CRY1: variants seen among roughly 807,000 people sequenced by gnomAD.
The protein encoded by CRY1 is cryptochrome-1.
CRY1 carries 45 observed loss-of-function variants against 76.0 expected under a neutral mutation model. The observed-to-expected ratio is 0.59, with a 90% CI of 0.47 to 0.76. The LOEUF (loss-of-function observed/expected upper bound fraction) is 0.76. CRY1 is among the 30% of genes least tolerant of loss of function. The probability of loss-of-function intolerance (pLI) is 0.00; values close to 1 mark genes in which losing one functional copy is unlikely to be tolerated. For synonymous variants in CRY1, 248 were observed against 244.0 expected (o/e 1.02, Z -0.15); for missense variants, 587 against 716.4 (o/e 0.82, Z 2.06).
At position 106,997,302 on chromosome 12, in the gene CRY1, C is replaced by T. The variant is rs1952243632; in HGVS notation, c.1577G>A (p.Ser526Asn). 1 of 1,613,806 alleles carries T rather than the reference C, an allele frequency of 6.2e-7. No homozygotes were observed. The change falls in exon 10 of 13, where the codon AGC (serine) becomes AAC (asparagine). Residue 526 changes from serine to asparagine, a missense_variant. Ser to Asn is a conservative substitution (Grantham distance 46). Transcript: ENST00000008527. ...ATTTCCTTTTCACTTACTTCCACTG[C>T]TGCTACAACCTGGGATATTTTCTGC... Reference protein sequence around the residue: ...YSAENIPGCSSSGSCSQGSGI... With the variant: ...YSAENIPGCSNSGSCSQGSGI...
chr12:107,000,212 T>A lies in CRY1; in HGVS notation c.685-130A>T. The A allele has an allele frequency of 3.4e-6, 3 of 890,746 alleles. No individual in the cohort carries two copies. The South Asian group carries it at 7.3e-5, about 22-fold the overall frequency. The allele number at this position is 890,746 out of a possible 1,614,324, so 55.2% of individuals were successfully genotyped here. On this transcript the variant is annotated intron_variant, in intron 5 of 12. Transcript: ENST00000008527. ...ATAAAATCTTATCCTAGCCACAAAT[T>A]ACATGTTTTAATAAAAAATAAGACA...
chr12:107,070,759 G>T (rs1953179021), intron 1 of CRY1, among the ~76,000 whole-genome samples: 1 of 151,054 alleles, frequency 6.6e-6, no homozygotes, highest in Admixed American at 6.6e-5. Flanking sequence ...GGAGTGTAGT[G>T]GCGCGACCTT....
rs1353697626 is a variant in CRY1 at position 107,092,980 on chromosome 12, T to TCGG, written c.-20_-19insCCG. ...CCCCCATGCCGGGGGGCGCGGCGGG[T>TCGG]CCTCCACGGAGAAATTCAAGGAAGG... On this transcript the variant is annotated 5_prime_UTR_variant, in exon 1 of 13. Coordinates refer to ENST00000008527, the MANE Select transcript of CRY1 (RefSeq NM_004075.5). The TCGG allele has an allele frequency of 1.3e-6, 2 of 1,514,864 alleles. No individual in the cohort carries two copies. Among genetic ancestry groups the TCGG allele is most frequent in the African/African-American group, 2.8e-5 (2 of 71,136 alleles). 93.8% of individuals were successfully genotyped at this position (1,514,864 alleles called of 1,614,324 possible). A position where few individuals can be genotyped will look rare whatever the true frequency, so the allele number is the denominator to read the frequency against.
At chr12:107,089,084 T>G (rs369438247) in intron 1 of CRY1, among the ~76,000 whole-genome samples, 1 of 152,244 alleles carries the variant, frequency 6.6e-6, no homozygotes, top group Non-Finnish European at 1.5e-5. Context: ...CTTCATTCCT[T>G]TTTATGGCCA....
intron 1 of CRY1, among the ~76,000 whole-genome samples, chr12:107,047,398 T>C (rs1253322025): frequency 6.6e-6 from 1 of 152,074 alleles, no homozygotes; most frequent in Non-Finnish European, 1.5e-5. Context: ...TTAAGAAGCT[T>C]ATAGCAATAA....
At chr12:107,010,307 A>G (rs1332296254) in intron 2 of CRY1, among the ~76,000 whole-genome samples, 1 of 152,144 alleles carries the variant, frequency 6.6e-6, no homozygotes, top group Non-Finnish European at 1.5e-5. Flanking sequence ...CAATTTTATT[A>G]ATGTTTTCAA....
chr12:106,992,362 A>C (rs1245719961), intron 12 of CRY1: 1 of 155,558 alleles, frequency 6.4e-6, no homozygotes, highest in African/African-American at 2.4e-5. Flanking sequence ...TTTTAGAAGC[A>C]TCATAACAGA....
intron 1 of CRY1, among the ~76,000 whole-genome samples, chr12:107,090,976 T>A (rs1193224871): frequency 1.3e-5 from 2 of 152,090 alleles, no homozygotes; most frequent in African/African-American, 4.8e-5. Flanking sequence ...TCTCAAACAG[T>A]AACTAAACTG....
At chr12:107,068,299 C>T (rs992685816) in intron 1 of CRY1, among the ~76,000 whole-genome samples, 4 of 151,960 alleles carry the variant, frequency 2.6e-5, no homozygotes, top group Non-Finnish European at 4.4e-5. Flanking sequence ...TAATACAAAA[C>T]TAATAATTTT....
intron 2 of CRY1, among the ~76,000 whole-genome samples, chr12:107,016,796 C>T (rs1952501921): frequency 6.6e-6 from 1 of 152,150 alleles, no homozygotes; most frequent in African/African-American, 2.4e-5. Context: ...AAACTTGTTC[C>T]TCCATAGTCT....
intron 2 of CRY1, among the ~76,000 whole-genome samples, chr12:107,009,563 C>CATATATATATATATATATATATAT (rs869185018): frequency 1.6e-4 from 15 of 90,942 alleles, no homozygotes; most frequent in Non-Finnish European, 2.5e-4. Context: ...AACAAAAAAA[C>CATATATATATATATATATATATAT]ATATATATAT....
At chr12:107,019,010 A>T (rs960085748) in intron 2 of CRY1, among the ~76,000 whole-genome samples, 6 of 152,248 alleles carry the variant, frequency 3.9e-5, no homozygotes, top group Non-Finnish European at 7.3e-5. Flanking sequence ...GGTCTAAACT[A>T]GCCTTACCTC....
chr12:106,992,324 A>T (rs193093308), intron 12 of CRY1: 19 of 152,718 alleles, frequency 1.2e-4, no homozygotes, highest in African/African-American at 4.1e-4. Context: ...AAAATTTTGA[A>T]CTATTCCCAA....
intron 3 of CRY1, 117 bp from the exon 4 acceptor site, chr12:107,002,065 G>A (rs1050197485): frequency 8.7e-6 from 7 of 801,584 alleles, no homozygotes; most frequent in Non-Finnish European, 1.3e-5. Context: ...AGTCTTTGAG[G>A]GTGTTAGCTT....
intron 1 of CRY1, among the ~76,000 whole-genome samples, chr12:107,048,520 T>A (rs1343489230): frequency 6.6e-6 from 1 of 152,246 alleles, no homozygotes; most frequent in Non-Finnish European, 1.5e-5. Context: ...CTGCAGATTC[T>A]GTTTATCTGT....
chr12:107,068,183 A>G (rs1953135754), intron 1 of CRY1, among the ~76,000 whole-genome samples: 1 of 152,076 alleles, frequency 6.6e-6, no homozygotes, highest in African/African-American at 2.4e-5. Flanking sequence ...GGCCTGAAAA[A>G]CCTAAAATAT....
At position 106,997,910 on chromosome 12, in the gene CRY1, T is replaced by C; in HGVS notation, c.1289+5A>G. 1 of 1,612,544 alleles carries C rather than the reference T, an allele frequency of 6.2e-7. No individual in the cohort carries two copies. On this transcript the variant is annotated splice_donor_5th_base_variant and intron_variant, in intron 8 of 12. Transcript: ENST00000008527. ...CAAACTGAGTAGTAATCACCCTTGA[T>C]TTACCTGATATAGTCTCCATTGGGA...
At chr12:107,040,658 T>A (rs1047438761) in intron 1 of CRY1, among the ~76,000 whole-genome samples, 1 of 152,024 alleles carries the variant, frequency 6.6e-6, no homozygotes, top group Non-Finnish European at 1.5e-5. Flanking sequence ...CACTTAAAAA[T>A]CTTTCAACAG....
At chr12:107,016,016 T>C (rs1952494160) in intron 2 of CRY1, among the ~76,000 whole-genome samples, 1 of 152,180 alleles carries the variant, frequency 6.6e-6, no homozygotes, top group Non-Finnish European at 1.5e-5. Context: ...ACTAAATGAA[T>C]ATAAAGTTCT....
Sources: gnomAD v4.1 joint callset for allele counts (sites outside exome capture counted in the v4.1 genomes callset) on GRCh38, gnomAD v4.1.1 for gene constraint, MANE v1.5 for transcripts, NCBI Gene and HGNC (gene_info 2026-07-23, HGNC 2026-07-21) for gene names.